HOGA1: variants seen among roughly 807,000 people sequenced by gnomAD.
HOGA1 encodes 4-hydroxy-2-oxoglutarate aldolase, mitochondrial.
In HOGA1, 30 loss-of-function variants were observed where a neutral mutation model predicts 34.3. The ratio of observed to expected loss-of-function variants is 0.87; its 90% CI spans 0.65 to 1.19. HOGA1 has a LOEUF of 1.19. Ranked by LOEUF, HOGA1 falls within the 50% of genes most tolerant of loss-of-function variation. The pLI is 0.00. For synonymous variants in HOGA1, 161 were observed against 174.0 expected (o/e 0.93, Z 0.59); for missense variants, 417 against 436.5 (o/e 0.96, Z 0.40).
chr10:97,610,078 T>G (rs1328844252), intron 6 of HOGA1, among the ~76,000 whole-genome samples: 1 of 152,256 alleles, frequency 6.6e-6, no homozygotes, highest in East Asian at 1.9e-4. Flanking sequence ...GAAAGATTCA[T>G]CTAATATTTC....
intron 3 of HOGA1, 48 bp from the exon 4 acceptor site, chr10:97,599,632 C>T (rs372097353): frequency 1.6e-5 from 25 of 1,611,320 alleles, no homozygotes; most frequent in Non-Finnish European, 2.1e-5. Context: ...GCTCTTGGGA[C>T]CTGGGGCGGC....
Position 97,599,761 on chromosome 10 carries a change from G to C in HOGA1, c.550G>C (p.Val184Leu), listed in dbSNP as rs577768020. 2.5e-6 allele frequency: 4 copies of C among 1,614,202 alleles called. No homozygotes were observed. In the Admixed American group the frequency reaches 6.7e-5, roughly 27 times the overall value. ...TGLDLPVDAV[V>L]TLSQHPNIVG... ...GCTGGACCTGCCTGTGGATGCAGTGGTCACGCTTTCCCAGCACCCGAATAT... is the reference window on the plus strand; with the variant it reads ...GCTGGACCTGCCTGTGGATGCAGTGCTCACGCTTTCCCAGCACCCGAATAT... Residue 184 changes from valine (V) to leucine (L), a missense_variant, in exon 4 of 7, where the codon GTC becomes CTC. Transcript: ENST00000370646.
At chr10:97,590,276 G>C (rs781135280) in intron 1 of HOGA1, 1 of 1,613,780 alleles carries the variant, frequency 6.2e-7, no homozygotes, top group Non-Finnish European at 8.5e-7. Flanking sequence ...GTGGGCCGCT[G>C]TGGCTGCCTG....
intron 6 of HOGA1, chr10:97,602,532 G>A: frequency 1.0e-6 from 1 of 985,398 alleles, no homozygotes; most frequent in Non-Finnish European, 1.2e-6. Context: ...ATCAAGTTCA[G>A]GGTCATTCTG....
chr10:97,596,395 C>T (rs143469435), intron 1 of HOGA1, among the ~76,000 whole-genome samples: 2 of 152,296 alleles, frequency 1.3e-5, no homozygotes, highest in African/African-American at 4.8e-5. Context: ...AGAACCTGCC[C>T]CAGCCCAGGA....
chr10:97,592,775 TC>T (rs1460853935), intron 1 of HOGA1, among the ~76,000 whole-genome samples: 1 of 151,772 alleles, frequency 6.6e-6, no homozygotes, highest in Non-Finnish European at 1.5e-5. Flanking sequence ...CTGTCTGTAA[TC>T]CCTGCACTTT....
intron 1 of HOGA1, among the ~76,000 whole-genome samples, chr10:97,596,625 A>G (rs770674949): frequency 6.6e-6 from 1 of 151,606 alleles, no homozygotes; most frequent in Non-Finnish European, 1.5e-5. Flanking sequence ...ACAGGAATCA[A>G]TCCCCCAGAA....
At position 97,611,619 on chromosome 10, in the gene HOGA1, A is replaced by G. The variant is rs115864158; in HGVS notation, c.944A>G (p.Glu315Gly). 4.8e-5 allele frequency: 78 copies of G among 1,614,018 alleles called. No homozygotes were observed. In the African/African-American group the frequency reaches 9.6e-4, roughly 20 times the overall value. Residue 315 changes from glutamate (E) to glycine (G), a missense_variant, in exon 7 of 7, where the codon GAG (glutamate) becomes GGG (glycine). By Grantham distance (98) the Glu-to-Gly change is moderately conservative. Coordinates refer to ENST00000370646, the MANE Select transcript of HOGA1 (RefSeq NM_138413.4). ...CAGGAGCTGAGCCCCGCTGAGGAGG[A>G]GGCACTGCGCATGGATTTCACCAGC... is the stretch of plus-strand genomic sequence containing the variant. The part of the protein sequence containing the change: ...PLQELSPAEE[E>G]ALRMDFTSNG...
At chr10:97,605,115 T>C (rs183626395) in intron 6 of HOGA1, among the ~76,000 whole-genome samples, 92 of 152,254 alleles carry the variant, frequency 6.0e-4, no homozygotes, top group African/African-American at 2.2e-3. Flanking sequence ...TTTCATTTTC[T>C]GAGAAACTGC....
At chr10:97,611,424 A>G in intron 6 of HOGA1, 86 bp from the exon 7 acceptor site, 2 of 1,489,674 alleles carry the variant, frequency 1.3e-6, no homozygotes, top group South Asian at 1.1e-5. Flanking sequence ...TAGGACTTCA[A>G]TGTTCTGAAA....
At position 97,584,700 on chromosome 10, in the gene HOGA1, A is replaced by G; in HGVS notation, c.-4A>G. 6.2e-7 allele frequency: 1 copy of G among 1,608,458 alleles called. No homozygotes were observed. The highest frequency in any genetic ancestry group is 8.5e-7 in the Non-Finnish European group (1 of 1,176,476). ...ACCAATTGTGCTTCAGGCCTCCTGC[A>G]GAGATGCTGGGTCCCCAAGTCTGGT... On this transcript the variant is annotated 5_prime_UTR_variant, in exon 1 of 7. Transcript: ENST00000370646.
intron 3 of HOGA1, 134 bp downstream of exon 3, chr10:97,599,350 C>T (rs1027370173): frequency 6.4e-6 from 7 of 1,090,586 alleles, no homozygotes; most frequent in African/African-American, 4.6e-5. Flanking sequence ...ATCAGCTGCA[C>T]GACATTGGGA....
At chr10:97,586,323 C>G (rs1157365532) in intron 1 of HOGA1, among the ~76,000 whole-genome samples, 1 of 152,108 alleles carries the variant, frequency 6.6e-6, no homozygotes, top group East Asian at 1.9e-4. Flanking sequence ...GGTACTGATT[C>G]CAATGGTAAT....
At chr10:97,596,787 G>A (rs79968268) in intron 1 of HOGA1, among the ~76,000 whole-genome samples, 2,215 of 151,810 alleles carry the variant, frequency 0.015, 52 homozygotes, top group African/African-American at 0.05. Flanking sequence ...GGAATCTGAC[G>A]GTGTAGTGAA....
chr10:97,600,093 C>T lies in HOGA1; in HGVS notation c.630C>T (p.His210=). The change falls in exon 5 of 7, where the codon CAC becomes CAT. Residue 210 remains histidine (H), a synonymous_variant. Transcript: ENST00000370646. The part of the protein sequence containing the change: ...GDVTRIGLIV[H]KTRKQDFQVL... ...TGACCAGGATTGGGCTGATTGTTCACAAGACCAGGAAGCAGGATTTTCAGG... is the reference window on the plus strand; with the variant it reads ...TGACCAGGATTGGGCTGATTGTTCATAAGACCAGGAAGCAGGATTTTCAGG... The T allele has an allele frequency of 6.2e-7, 1 of 1,614,198 alleles. No homozygotes were observed. The highest frequency in any genetic ancestry group is 8.5e-7 in the Non-Finnish European group (1 of 1,180,028).
At position 97,598,869 on chromosome 10, in the gene HOGA1, G is replaced by A. The variant is rs2041092170; in HGVS notation, c.306G>A (p.Lys102=). 1.9e-6 allele frequency: 3 copies of A among 1,614,110 alleles called. No homozygotes were observed. The East Asian group carries it at 6.7e-5, about 36-fold the overall frequency. Residue 102 remains lysine, a synonymous_variant, in exon 2 of 7, where the codon AAG becomes AAA. Coordinates refer to ENST00000370646, the MANE Select transcript of HOGA1 (RefSeq NM_138413.4). ...GCCGTGTGCGCCAGGCCATGCCCAA[G>A]AACAGGCTCCTGCTAGCTGGCTCCG... The part of the protein sequence containing the change: ...VVSRVRQAMP[K]NRLLLAGSGC...
At chr10:97,602,634 TCCTC>T (rs928936353) in intron 6 of HOGA1, 99 of 929,226 alleles carry the variant, frequency 1.1e-4, no homozygotes, top group South Asian at 3.5e-4. Context: ...GTTCCTTCCT[TCCTC>T]CCTCCCTCCC....
rs1266720123 is a variant in HOGA1 at position 97,611,802 on chromosome 10, G to A, written c.*143G>A. Reference sequence around the variant, plus strand: ...CTCCTTTGCCTGCTGTGGTCCTCCAGGCAGCCTTTCACAGGCACGCCCATG... The same window carrying A: ...CTCCTTTGCCTGCTGTGGTCCTCCAAGCAGCCTTTCACAGGCACGCCCATG... On this transcript the variant is annotated 3_prime_UTR_variant, in exon 7 of 7. Transcript: ENST00000370646. The A allele has an allele frequency of 9.8e-7, 1 of 1,024,964 alleles. No homozygotes were observed. The highest frequency in any genetic ancestry group is 1.4e-6 in the Non-Finnish European group (1 of 696,904). The allele number at this position is 1,024,964 out of a possible 1,614,324, so 63.5% of individuals were successfully genotyped here. A position where few individuals can be genotyped will look rare whatever the true frequency, so the allele number is the denominator to read the frequency against.
chr10:97,602,634 T>C, intron 6 of HOGA1: 1 of 929,670 alleles, frequency 1.1e-6, no homozygotes, highest in Non-Finnish European at 1.3e-6. Context: ...GTTCCTTCCT[T>C]CCTCCCTCCC....
Sources: gnomAD v4.1 joint callset for allele counts (sites outside exome capture counted in the v4.1 genomes callset) on GRCh38, gnomAD v4.1.1 for gene constraint, MANE v1.5 for transcripts, NCBI Gene and HGNC (gene_info 2026-07-23, HGNC 2026-07-21) for gene names.